The following SPECC1 variants were observed in gnomAD, a reference collection of about 807,000 sequenced individuals.
SPECC1 encodes the protein sperm antigen with calponin homology and coiled-coil domains 1.
Under a neutral mutation model 104.1 loss-of-function variants are expected in SPECC1, and 62 were observed. That is an observed-to-expected ratio of 0.60 (90% CI 0.49 to 0.74). The LOEUF is 0.74. SPECC1 is among the 30% of genes least tolerant of loss of function. The pLI, the probability that SPECC1 is intolerant of heterozygous loss-of-function variation, is 0.00. For synonymous variants in SPECC1, 513 were observed against 501.6 expected (o/e 1.02, Z -0.30); for missense variants, 1,306 against 1,310.5 (o/e 1.00, Z 0.05).
chr17:20,128,972 A>G (rs552709884), intron 3 of SPECC1, among the ~76,000 whole-genome samples: 204 of 152,268 alleles, frequency 1.3e-3, no homozygotes, highest in African/African-American at 4.3e-3. Flanking sequence ...GGCTCAGTGC[A>G]GCCTCAAACT....
intron 1 of SPECC1, among the ~76,000 whole-genome samples, chr17:20,014,173 T>A (rs1181868859): frequency 1.3e-5 from 2 of 152,226 alleles, no homozygotes; most frequent in Non-Finnish European, 2.9e-5. Context: ...TACTGTGGTT[T>A]TAATTTGGAT....
intron 1 of SPECC1, among the ~76,000 whole-genome samples, chr17:20,088,801 C>T (rs986445329): frequency 2.0e-5 from 3 of 152,088 alleles, no homozygotes; most frequent in Non-Finnish European, 4.4e-5. Flanking sequence ...AACCTAAAAC[C>T]CCATGTGATA....
intron 3 of SPECC1, among the ~76,000 whole-genome samples, chr17:20,172,319 A>G (rs1033795456): frequency 6.6e-6 from 1 of 152,232 alleles, no homozygotes; most frequent in African/African-American, 2.4e-5. Context: ...TGCACAGGAT[A>G]CTTCCAGTTA....
At chr17:20,101,075 T>C (rs2047924140) in intron 2 of SPECC1, among the ~76,000 whole-genome samples, 1 of 152,212 alleles carries the variant, frequency 6.6e-6, no homozygotes, top group African/African-American at 2.4e-5. Context: ...TTGATGGATG[T>C]TTAGGTTGGT....
At chr17:20,150,818 A>T (rs2031938431) in intron 3 of SPECC1, among the ~76,000 whole-genome samples, 1 of 152,170 alleles carries the variant, frequency 6.6e-6, no homozygotes, top group African/African-American at 2.4e-5. Context: ...TATAGAAAAA[A>T]AGTCTTTCCT....
intron 3 of SPECC1, among the ~76,000 whole-genome samples, chr17:20,132,422 C>T (rs2049693265): frequency 6.6e-6 from 1 of 151,992 alleles, no homozygotes; most frequent in South Asian, 2.1e-4. Context: ...GTATTCCTAA[C>T]TTTTCTTTTT....
rs1322544178 is a variant in SPECC1, at chr17:20,314,460, T to C, written c.*395T>C. The C allele has an allele frequency of 2.6e-5, 8 of 306,308 alleles. No individual in the cohort carries two copies. In the South Asian group the frequency reaches 3.5e-4, roughly 13 times the overall value. The allele number at this position is 306,308 out of a possible 1,614,324, so 19.0% of individuals were successfully genotyped here. On this transcript the variant is annotated 3_prime_UTR_variant, in exon 15 of 15. Coordinates refer to ENST00000395527, the MANE Select transcript of SPECC1 (RefSeq NM_001243439.2). Reference sequence around the variant, plus strand: ...CTTTTGGTTGCTGTTGTTAAAAATATCCCGGCTTTGCCTTTATGAAACCTT... The same window carrying C: ...CTTTTGGTTGCTGTTGTTAAAAATACCCCGGCTTTGCCTTTATGAAACCTT...
intron 3 of SPECC1, among the ~76,000 whole-genome samples, chr17:20,200,514 T>C (rs550733798): frequency 6.6e-6 from 1 of 152,196 alleles, no homozygotes; most frequent in Admixed American, 6.5e-5. Flanking sequence ...AAAGATCCAA[T>C]GGTGCTGGCT....
At chr17:20,106,761 C>T (rs1199511972) in intron 2 of SPECC1, among the ~76,000 whole-genome samples, 1 of 152,178 alleles carries the variant, frequency 6.6e-6, no homozygotes, top group Non-Finnish European at 1.5e-5. Flanking sequence ...AAACCTCTTT[C>T]CTTTGTAAAT....
intron 4 of SPECC1, among the ~76,000 whole-genome samples, chr17:20,225,792 G>T (rs182713866): frequency 1.3e-4 from 20 of 152,240 alleles, no homozygotes; most frequent in African/African-American, 4.6e-4. Flanking sequence ...GTTCCATTTG[G>T]TGTTCCTGCA....
At chr17:20,254,789 C>G (rs897694289) in intron 10 of SPECC1, among the ~76,000 whole-genome samples, 2 of 150,306 alleles carry the variant, frequency 1.3e-5, no homozygotes, top group African/African-American at 5.0e-5. Context: ...AAAATTTCTA[C>G]AGCTGTACTT....
Position 20,096,660 on chromosome 17 carries a change from T to C in SPECC1, c.9T>C (p.Ser3=). Residue 3 remains serine, a synonymous_variant, in exon 2 of 15, where the codon AGT becomes AGC. Coordinates refer to ENST00000395527, the MANE Select transcript of SPECC1 (RefSeq NM_001243439.2). The part of the protein sequence containing the change: MR[S]AAKPWNPAIR... ...GACCCACGAAGTCAAGCATGCGGAG[T>C]GCAGCCAAGCCCTGGAACCCAGCCA... The C allele has an allele frequency of 6.2e-7, 1 of 1,612,798 alleles. No individual in the cohort carries two copies.
chr17:20,094,574 G>A (rs374183801), intron 1 of SPECC1, among the ~76,000 whole-genome samples: 1 of 152,106 alleles, frequency 6.6e-6, no homozygotes, highest in Non-Finnish European at 1.5e-5. Flanking sequence ...TAAATAAAAG[G>A]CATTTCATTT....
chr17:20,283,297 G>A (rs911463705), intron 12 of SPECC1, among the ~76,000 whole-genome samples: 5 of 152,210 alleles, frequency 3.3e-5, no homozygotes, highest in Non-Finnish European at 7.3e-5. Context: ...GTAGCTTTCC[G>A]CTGCCAGAGA....
At chr17:20,173,517 T>A (rs2151190368) in intron 3 of SPECC1, among the ~76,000 whole-genome samples, 1 of 152,334 alleles carries the variant, frequency 6.6e-6, no homozygotes, top group South Asian at 2.1e-4. Context: ...AATGACACTA[T>A]CACTATAACA....
chr17:20,152,341 A>ATGAGG (rs1416302201), intron 3 of SPECC1, among the ~76,000 whole-genome samples: 1 of 152,232 alleles, frequency 6.6e-6, no homozygotes, highest in African/African-American at 2.4e-5. Context: ...TGACAGGTAC[A>ATGAGG]GAAGTACCAT....
At chr17:20,253,919 G>A (rs576582691) in intron 10 of SPECC1, among the ~76,000 whole-genome samples, 10 of 151,624 alleles carry the variant, frequency 6.6e-5, no homozygotes, top group African/African-American at 1.9e-4. Flanking sequence ...CTCCTGCCTC[G>A]GCCTCCCACA....
At chr17:20,047,533 C>T (rs755768070) in intron 1 of SPECC1, among the ~76,000 whole-genome samples, 1 of 152,154 alleles carries the variant, frequency 6.6e-6, no homozygotes, top group East Asian at 1.9e-4. Context: ...TTTTCTTTTC[C>T]TGTGCCATTT....
At position 20,070,620 on chromosome 17, in the gene SPECC1, C is replaced by T. The variant is rs1329587129; in HGVS notation, c.-21-26011C>T. ...ATTATGTGGATATACCATAATCTAA[C>T]CAATTAGACTTTAAATTATTTCTTT... is the stretch of plus-strand genomic sequence containing the variant. On this transcript the variant is annotated intron_variant, in intron 1 of 14. Transcript: ENST00000395527. Among the ~76,000 whole-genome samples, 5 of 152,050 alleles carry T rather than the reference C, an allele frequency of 3.3e-5. No homozygotes were observed. In the East Asian group the frequency reaches 5.8e-4, roughly 18 times the overall value.
Sources: allele counts gnomAD v4.1 joint callset (sites outside exome capture counted in the v4.1 genomes callset), GRCh38; gene constraint gnomAD v4.1.1; transcripts MANE v1.5; gene names NCBI Gene and HGNC (gene_info 2026-07-23, HGNC 2026-07-21).